Variants in GPC5 observed in about 807,000 individuals in gnomAD.
GPC5 encodes the protein glypican-5.
In GPC5, 47 loss-of-function variants were observed where a neutral mutation model predicts 53.9. The ratio of observed to expected loss-of-function variants is 0.87; its 90% confidence interval spans 0.69 to 1.11. The LOEUF (loss-of-function observed/expected upper bound fraction) is 1.11, where lower values mean the gene tolerates loss of function less well. Among genes scored for constraint, GPC5 ranks in the 50% most tolerant of loss-of-function variants. The pLI is 0.00. For missense variants in GPC5, 748 were observed against 713.1 expected, an observed-to-expected ratio of 1.05 and a Z score of -0.56; for synonymous variants, 286 against 263.3, an observed-to-expected ratio of 1.09 and a Z score of -0.84.
At chr13:92,308,196 T>C (rs1042460160) in intron 7 of GPC5, among the ~76,000 whole-genome samples, 3 of 152,188 alleles carry the variant, frequency 2.0e-5, no homozygotes, top group Non-Finnish European at 4.4e-5. Flanking sequence ...TTTCAAACCA[T>C]ATTTTCCTTA....
rs1371232593 is a variant in GPC5, at chr13:92,132,091, AC to A, written c.1402-12737del. Reference sequence around the variant, plus strand: ...TAGAATAAAATACAGCAATTAAAGAACCGTTGCTACATCTGTGATGTCACAA... The same window carrying A: ...TAGAATAAAATACAGCAATTAAAGAACGTTGCTACATCTGTGATGTCACAA... On this transcript the variant is annotated intron_variant, in intron 6 of 7. Transcript: ENST00000377067. Among the ~76,000 whole-genome samples the A allele has an allele frequency of 8.9e-4, 135 of 152,294 alleles. 1 individual carries two copies. Among genetic ancestry groups the A allele is most frequent in the Non-Finnish European group, 5.6e-4 (38 of 68,014 alleles).
chr13:91,579,060 A>G (rs1392800202), intron 2 of GPC5, among the ~76,000 whole-genome samples: 1 of 152,152 alleles, frequency 6.6e-6, no homozygotes, highest in African/African-American at 2.4e-5. Flanking sequence ...TAAATAAACA[A>G]ATTAATAAAT....
intron 7 of GPC5, among the ~76,000 whole-genome samples, chr13:92,640,905 C>T (rs1331681237): frequency 7.1e-6 from 1 of 140,428 alleles, no homozygotes; most frequent in Non-Finnish European, 1.5e-5. Context: ...CATAAATAAG[C>T]AGAGGGGAAA....
intron 6 of GPC5, among the ~76,000 whole-genome samples, chr13:92,127,980 C>T (rs2041713261): frequency 1.3e-5 from 2 of 152,160 alleles, no homozygotes; most frequent in Admixed American, 6.5e-5. Context: ...CCTGGAGGGA[C>T]CAGGGTTTCC....
At chr13:92,707,449 T>C (rs1336163471) in intron 7 of GPC5, among the ~76,000 whole-genome samples, 1 of 151,962 alleles carries the variant, frequency 6.6e-6, no homozygotes, top group Non-Finnish European at 1.5e-5. Context: ...TTGTTTTGTT[T>C]CCAACGGCCC....
intron 7 of GPC5, among the ~76,000 whole-genome samples, chr13:92,696,962 C>T (rs1887574273): frequency 1.3e-5 from 2 of 152,094 alleles, no homozygotes; most frequent in African/African-American, 2.4e-5. Context: ...GGAATCCTTT[C>T]CCCATTGCTT....
At chr13:92,016,023 C>A (rs2040703788) in intron 6 of GPC5, among the ~76,000 whole-genome samples, 1 of 152,214 alleles carries the variant, frequency 6.6e-6, no homozygotes, top group Admixed American at 6.5e-5. Flanking sequence ...ACAATCACTT[C>A]TGAAGTTTTT....
chr13:91,876,558 G>T (rs747074969), intron 5 of GPC5, among the ~76,000 whole-genome samples: 1 of 152,166 alleles, frequency 6.6e-6, no homozygotes, highest in Non-Finnish European at 1.5e-5. Flanking sequence ...GAACTTGAAA[G>T]AAATGATTTA....
chr13:92,493,426 T>C (rs1294061992), intron 7 of GPC5, among the ~76,000 whole-genome samples: 1 of 152,190 alleles, frequency 6.6e-6, no homozygotes, highest in Non-Finnish European at 1.5e-5. Flanking sequence ...TTGTTGCTTC[T>C]TATCTACTTC....
At chr13:92,605,333 TTTAC>T (rs1469289457) in intron 7 of GPC5, among the ~76,000 whole-genome samples, 3 of 152,214 alleles carry the variant, frequency 2.0e-5, no homozygotes, top group Non-Finnish European at 2.9e-5. Context: ...AAGCAAATAC[TTTAC>T]TTGTCACTAC....
At chr13:91,920,533 CCA>C (rs1409484867) in intron 6 of GPC5, among the ~76,000 whole-genome samples, 1 of 152,166 alleles carries the variant, frequency 6.6e-6, no homozygotes, top group African/African-American at 2.4e-5. Context: ...CCTACTGAAT[CCA>C]CAGTGACCAT....
intron 7 of GPC5, among the ~76,000 whole-genome samples, chr13:92,309,105 G>C (rs2043129656): frequency 6.6e-6 from 1 of 152,082 alleles, no homozygotes; most frequent in South Asian, 2.1e-4. Flanking sequence ...AGCATCTGCA[G>C]CAGAATGAAG....
chr13:92,613,276 A>G (rs1884503238), intron 7 of GPC5, among the ~76,000 whole-genome samples: 1 of 124,432 alleles, frequency 8.0e-6, no homozygotes, highest in Non-Finnish European at 1.6e-5. Context: ...TATAAATTAT[A>G]TAATATATAT....
intron 7 of GPC5, among the ~76,000 whole-genome samples, chr13:92,289,872 A>C (rs978383513): frequency 2.6e-5 from 4 of 152,082 alleles, no homozygotes; most frequent in African/African-American, 9.7e-5. Flanking sequence ...CTGCCTAAAA[A>C]TTCCCTGAAG....
intron 7 of GPC5, among the ~76,000 whole-genome samples, chr13:92,655,127 A>G (rs1397194013): frequency 2.0e-5 from 3 of 152,152 alleles, no homozygotes; most frequent in Non-Finnish European, 4.4e-5. Context: ...TCAAATGTTC[A>G]GACTCCAGAA....
chr13:92,521,409 G>T (rs1257906868), intron 7 of GPC5, among the ~76,000 whole-genome samples: 1 of 152,178 alleles, frequency 6.6e-6, no homozygotes, highest in Non-Finnish European at 1.5e-5. Context: ...AAACAGCATG[G>T]TACTCGTACC....
chr13:91,732,281 T>A (rs1383160597), intron 4 of GPC5, among the ~76,000 whole-genome samples: 2 of 152,184 alleles, frequency 1.3e-5, no homozygotes, highest in African/African-American at 4.8e-5. Context: ...TCTCTAATGA[T>A]CAGTGATGTT....
intron 7 of GPC5, among the ~76,000 whole-genome samples, chr13:92,726,056 T>G (rs1401275337): frequency 6.6e-6 from 1 of 151,512 alleles, no homozygotes; most frequent in African/African-American, 2.4e-5. Flanking sequence ...AAAGTCACAT[T>G]ATTTTTGACA....
At chr13:92,643,995 T>G (rs1885680856) in intron 7 of GPC5, among the ~76,000 whole-genome samples, 1 of 152,156 alleles carries the variant, frequency 6.6e-6, no homozygotes, top group African/African-American at 2.4e-5. Context: ...AACCTACACA[T>G]GGAACAGCTG....
Sources: allele counts gnomAD v4.1 joint callset (sites outside exome capture counted in the v4.1 genomes callset), GRCh38; gene constraint gnomAD v4.1.1; transcripts MANE v1.5; gene names NCBI Gene and HGNC (gene_info 2026-07-23, HGNC 2026-07-21).